Variants in CRACD observed in about 807,000 individuals in gnomAD.
CRACD encodes capping protein-inhibiting regulator of actin dynamics.
A neutral mutation model predicts 106.8 loss-of-function variants in CRACD; 56 were observed. The ratio of observed to expected loss-of-function variants is 0.52; its 90% CI spans 0.42 to 0.66. CRACD has a LOEUF of 0.66. Ranked by LOEUF, CRACD falls within the 30% of genes least tolerant of loss-of-function variation. The probability of loss-of-function intolerance (pLI) is 0.00; values close to 1 mark genes in which losing one functional copy is unlikely to be tolerated. For missense variants in CRACD, 1,730 were observed against 1,623.2 expected (o/e 1.07, Z -1.13); for synonymous variants, 754 against 670.8 (o/e 1.12, Z -1.92).
chr4:56,297,364 T>C (rs1744113468), intron 3 of CRACD, among the ~76,000 whole-genome samples: 1 of 152,150 alleles, frequency 6.6e-6, no homozygotes. Context: ...GTAATGCCAG[T>C]GCTTTGTGAG....
chr4:56,060,202 C>T (rs775519217), intron 1 of CRACD, among the ~76,000 whole-genome samples: 4 of 151,876 alleles, frequency 2.6e-5, no homozygotes, highest in Non-Finnish European at 4.4e-5. Context: ...AGGAGTGGTG[C>T]GTGTCCCCTG....
intron 1 of CRACD, among the ~76,000 whole-genome samples, chr4:56,051,370 TTGA>T (rs1454213592): frequency 6.6e-6 from 1 of 152,230 alleles, no homozygotes; most frequent in Admixed American, 6.5e-5. Flanking sequence ...TCAGTCATAG[TTGA>T]TGTGTGTTTC....
At chr4:56,280,351 AC>A (rs369690705) in intron 3 of CRACD, among the ~76,000 whole-genome samples, 1 of 151,816 alleles carries the variant, frequency 6.6e-6, no homozygotes, top group East Asian at 1.9e-4. Flanking sequence ...CCCATTTTGC[AC>A]ATGGTAGTGC....
At chr4:56,240,063 C>T (rs1486893178) in intron 2 of CRACD, among the ~76,000 whole-genome samples, 1 of 151,862 alleles carries the variant, frequency 6.6e-6, no homozygotes, top group East Asian at 1.9e-4. Context: ...TCGTCCATCT[C>T]ATATGCTCCA....
chr4:56,137,194 C>T (rs1735031360), intron 1 of CRACD, among the ~76,000 whole-genome samples: 1 of 151,878 alleles, frequency 6.6e-6, no homozygotes, highest in South Asian at 2.1e-4. Flanking sequence ...TGACTTGAGC[C>T]CCAGAAGGTC....
intron 1 of CRACD, among the ~76,000 whole-genome samples, chr4:56,126,313 G>A (rs1045693005): frequency 6.6e-6 from 1 of 152,140 alleles, no homozygotes; most frequent in African/African-American, 2.4e-5. Context: ...GGCACTAGGT[G>A]TACTCTTCGC....
chr4:56,203,471 T>C (rs1485475826), intron 2 of CRACD, among the ~76,000 whole-genome samples: 2 of 152,222 alleles, frequency 1.3e-5, no homozygotes, highest in Non-Finnish European at 2.9e-5. Context: ...CTGGGTGCTC[T>C]GCCATCATCA....
intron 2 of CRACD, among the ~76,000 whole-genome samples, chr4:56,252,975 A>G (rs1314362534): frequency 1.3e-5 from 2 of 152,210 alleles, no homozygotes; most frequent in Non-Finnish European, 2.9e-5. Context: ...TGAGGTTCAC[A>G]TGTTAGTCAC....
intron 1 of CRACD, among the ~76,000 whole-genome samples, chr4:56,163,543 A>G (rs1736032672): frequency 1.3e-5 from 2 of 152,066 alleles, no homozygotes; most frequent in Non-Finnish European, 1.5e-5. Context: ...TGATTGCTTC[A>G]TTTTATTTTT....
intron 2 of CRACD, among the ~76,000 whole-genome samples, chr4:56,190,586 T>C (rs1488085364): frequency 6.6e-6 from 1 of 152,226 alleles, no homozygotes; most frequent in African/African-American, 2.4e-5. Context: ...TTCTCACATC[T>C]AGGTCATGCT....
intron 6 of CRACD, among the ~76,000 whole-genome samples, chr4:56,312,401 G>C (rs1745221452): frequency 6.6e-6 from 1 of 152,146 alleles, no homozygotes; most frequent in South Asian, 2.1e-4. Context: ...GGCCTCAAGT[G>C]ATCTGCCCGC....
At chr4:56,242,895 G>A (rs1278882585) in intron 2 of CRACD, among the ~76,000 whole-genome samples, 1 of 152,112 alleles carries the variant, frequency 6.6e-6, no homozygotes, top group Admixed American at 6.6e-5. Context: ...TACACTTCAC[G>A]GTGACTACGA....
chr4:56,233,645 A>G (rs4865071), intron 2 of CRACD, among the ~76,000 whole-genome samples: 68,311 of 151,776 alleles, frequency 0.45, 15,904 homozygotes, highest in Non-Finnish European at 0.51. Flanking sequence ...TTATTTCTCC[A>G]GTTTTGTTCA....
At chr4:56,249,357 G>A (rs1226739160) in intron 2 of CRACD, among the ~76,000 whole-genome samples, 1 of 146,490 alleles carries the variant, frequency 6.8e-6, no homozygotes, top group Admixed American at 6.9e-5. Context: ...GTGTTTTTTG[G>A]CTGCATAAAT....
chr4:56,109,892 G>A (rs1734063988), intron 1 of CRACD, among the ~76,000 whole-genome samples: 1 of 151,908 alleles, frequency 6.6e-6, no homozygotes, highest in African/African-American at 2.4e-5. Flanking sequence ...AATCCACAGA[G>A]AGGGACAAAT....
At chr4:56,123,178 G>T (rs568424124) in intron 1 of CRACD, among the ~76,000 whole-genome samples, 1 of 152,200 alleles carries the variant, frequency 6.6e-6, no homozygotes, top group Non-Finnish European at 1.5e-5. Context: ...AGAGCTTACT[G>T]TGTGTGAGGC....
intron 2 of CRACD, among the ~76,000 whole-genome samples, chr4:56,250,186 G>T (rs1366210053): frequency 2.0e-5 from 3 of 148,568 alleles, no homozygotes; most frequent in South Asian, 2.1e-4. Context: ...TTCTTTTCTT[G>T]TTCCTAATTT....
At chr4:56,106,100 G>T (rs1319679278) in intron 1 of CRACD, among the ~76,000 whole-genome samples, 1 of 152,148 alleles carries the variant, frequency 6.6e-6, no homozygotes, top group African/African-American at 2.4e-5. Flanking sequence ...GTGAAAGGGT[G>T]CATAAAGCAT....
At chr4:56,151,738 A>C (rs907695304) in intron 1 of CRACD, among the ~76,000 whole-genome samples, 4 of 152,092 alleles carry the variant, frequency 2.6e-5, no homozygotes, top group African/African-American at 9.7e-5. Flanking sequence ...ACCATTCCTC[A>C]ACCCTTCTTT....
Sources: gnomAD v4.1 joint callset for allele counts (sites outside exome capture counted in the v4.1 genomes callset) on GRCh38, gnomAD v4.1.1 for gene constraint, MANE v1.5 for transcripts, NCBI Gene and HGNC (gene_info 2026-07-23, HGNC 2026-07-21) for gene names.